The following NLRP1 variants were observed in gnomAD, a reference collection of about 807,000 sequenced individuals.
NLRP1 encodes the protein NACHT, LRR and PYD domains-containing protein 1.
NLRP1 carries 94 observed loss-of-function variants against 136.7 expected under a neutral mutation model. The ratio of observed to expected loss-of-function variants is 0.69; its 90% CI spans 0.58 to 0.82. The LOEUF (loss-of-function observed/expected upper bound fraction) is 0.82, where lower values mean the gene tolerates loss of function less well. NLRP1 is among the 40% of genes least tolerant of loss of function. The pLI is 0.00. For missense variants in NLRP1, 1,575 were observed against 1,802.7 expected (o/e 0.87, Z 2.29); for synonymous variants, 690 against 725.1 (o/e 0.95, Z 0.78).
chr17:5,574,357 A>G (rs1904778747), intron 3 of NLRP1, among the ~76,000 whole-genome samples: 2 of 152,200 alleles, frequency 1.3e-5, no homozygotes. Flanking sequence ...TGACGGGGAG[A>G]ATGGAACCAA....
At chr17:5,545,830 C>T (rs1347920306) in intron 5 of NLRP1, among the ~76,000 whole-genome samples, 7 of 152,246 alleles carry the variant, frequency 4.6e-5, no homozygotes, top group Admixed American at 4.6e-4. Flanking sequence ...TTCTACCCAC[C>T]TGGCTTATCT....
intron 15 of NLRP1, among the ~76,000 whole-genome samples, chr17:5,507,606 C>G (rs973943283): frequency 6.6e-6 from 1 of 151,998 alleles, no homozygotes; most frequent in Non-Finnish European, 1.5e-5. Context: ...GGGTAGATCA[C>G]GAGGTCAGGA....
chr17:5,544,007 A>AT lies in NLRP1; in HGVS notation c.2529-1981dup, dbSNP rs567050345. 4.7e-4 allele frequency among the ~76,000 whole-genome samples: 72 copies of AT among 152,270 alleles called. No homozygotes were observed. In the South Asian group the frequency reaches 0.013, roughly 28 times the overall value. On this transcript the variant is annotated intron_variant, in intron 5 of 16. Transcript: ENST00000572272. ...GGGGGGTTAATGCTCTGTGGTGGCC[A>AT]TCTTGAATTTCTTAATAATTTTGTC... is the stretch of plus-strand genomic sequence containing the variant.
intron 3 of NLRP1, among the ~76,000 whole-genome samples, chr17:5,567,746 G>A (rs974975363): frequency 6.6e-6 from 1 of 151,944 alleles, no homozygotes; most frequent in Admixed American, 6.6e-5. Flanking sequence ...TTGTAGGATG[G>A]GTTTGGTATT....
At chr17:5,568,162 C>A (rs1915521489) in intron 3 of NLRP1, among the ~76,000 whole-genome samples, 1 of 152,126 alleles carries the variant, frequency 6.6e-6, no homozygotes, top group African/African-American at 2.4e-5. Context: ...TCTTTCACTA[C>A]CTCCTCCTTA....
intron 15 of NLRP1, among the ~76,000 whole-genome samples, chr17:5,507,326 A>T (rs967103525): frequency 3.3e-5 from 5 of 152,192 alleles, no homozygotes; most frequent in South Asian, 2.1e-4. Flanking sequence ...TAAATTAATT[A>T]AATTAAATTA....
intron 3 of NLRP1, among the ~76,000 whole-genome samples, chr17:5,569,502 C>G (rs1296493319): frequency 3.9e-5 from 6 of 152,084 alleles, no homozygotes; most frequent in Admixed American, 3.9e-4. Context: ...GACTTCAAAT[C>G]AACATCAATC....
At chr17:5,561,605 G>A (rs1322900648) in intron 3 of NLRP1, among the ~76,000 whole-genome samples, 1 of 98,778 alleles carries the variant, frequency 1.0e-5, no homozygotes, top group Non-Finnish European at 2.2e-5. Flanking sequence ...CACCGCGCCC[G>A]GCTAATTTTT....
At chr17:5,557,154 C>A (rs1414929520) in intron 4 of NLRP1, among the ~76,000 whole-genome samples, 1 of 151,686 alleles carries the variant, frequency 6.6e-6, no homozygotes, top group African/African-American at 2.4e-5. Context: ...CAGGCGTGTG[C>A]CACCATGCCC....
chr17:5,554,710 T>C (rs1382761334), intron 4 of NLRP1, among the ~76,000 whole-genome samples: 2 of 152,120 alleles, frequency 1.3e-5, no homozygotes. Context: ...ACTGTGAAAG[T>C]ACAAGTACTA....
At position 5,559,217 on chromosome 17, in the gene NLRP1, A is replaced by G. The variant is rs749465585; in HGVS notation, c.1479T>C (p.Tyr493=). The G allele has an allele frequency of 1.2e-6, 2 of 1,614,176 alleles. No individual in the cohort carries two copies. The highest frequency in any genetic ancestry group is 1.7e-6 in the Non-Finnish European group (2 of 1,180,036). The change falls in exon 4 of 17, where the codon TAT becomes TAC. Residue 493 remains tyrosine, a synonymous_variant. Transcript: ENST00000572272. ...ESSRKEYFYR[Y]FTDERQAIRA... is the part of the protein sequence containing the mutation. ...TAATTGCTTGCCTTTCATCTGTGAA[A>G]TATCTGTAGAAATATTCCTTCCTGC...
At chr17:5,511,484 T>A (rs1246133246), downstream of NLRP1, among the ~76,000 whole-genome samples, 1 of 150,802 alleles carries the variant, frequency 6.6e-6, no homozygotes, top group Non-Finnish European at 1.5e-5. Context: ...CATGCATGTG[T>A]GTCTCCCCCA....
In NLRP1 at chr17:5,559,224, T is replaced by C; in HGVS notation, c.1472A>G (p.Tyr491Cys). 6.2e-7 allele frequency: 1 copy of C among 1,614,156 alleles called. No homozygotes were observed. The highest frequency in any genetic ancestry group is 8.5e-7 in the Non-Finnish European group (1 of 1,180,014). The stretch of plus-strand genomic sequence containing the variant: ...TTGCCTTTCATCTGTGAAATATCTG[T>C]AGAAATATTCCTTCCTGCTGGACTC... ...FSESSRKEYF[Y>C]RYFTDERQAI... The change falls in exon 4 of 17, where the codon TAC becomes TGC. Residue 491 changes from tyrosine (Y) to cysteine (C), a missense_variant. Coordinates refer to ENST00000572272, the MANE Select transcript of NLRP1 (RefSeq NM_033004.4).
intron 12 of NLRP1, 42 bp downstream of exon 12, chr17:5,530,439 T>A: frequency 6.4e-7 from 1 of 1,566,136 alleles, no homozygotes; most frequent in South Asian, 1.1e-5. Flanking sequence ...TTCAGGCCCA[T>A]AATTACCACC....
Position 5,515,081 on chromosome 17 carries a change from C to T in NLRP1, c.4103-8G>A, listed in dbSNP as rs199619809. 30 of 1,612,262 alleles carry T rather than the reference C, an allele frequency of 1.9e-5. No homozygotes were observed. Among genetic ancestry groups the T allele is most frequent in the East Asian group, 4.5e-5 (2 of 44,868 alleles). ...CCAGAGGTGAAGGTACGGCTGGCAA[C>T]GAACAAAGAAGGGCTCCAACCACAG... On this transcript the variant is annotated splice_polypyrimidine_tract_variant and splice_region_variant and intron_variant, in intron 16 of 16. Coordinates refer to ENST00000572272, the MANE Select transcript of NLRP1 (RefSeq NM_033004.4).
chr17:5,522,773 C>T (rs1909059654), intron 12 of NLRP1, among the ~76,000 whole-genome samples: 1 of 152,122 alleles, frequency 6.6e-6, no homozygotes, highest in Admixed American at 6.5e-5. Context: ...CCTCTAGTTG[C>T]CTGTGCTGGT....
intron 7 of NLRP1, among the ~76,000 whole-genome samples, chr17:5,538,449 T>C (rs11658716): frequency 0.047 from 7,196 of 152,178 alleles, 197 homozygotes; most frequent in Middle Eastern, 0.088. Flanking sequence ...GGGTACCTAT[T>C]CCTCCTTCAG....
At chr17:5,518,083 C>T (rs536450921) in intron 14 of NLRP1, 196 bp from the exon 15 acceptor site, 14 of 567,638 alleles carry the variant, frequency 2.5e-5, no homozygotes, top group East Asian at 1.2e-4. Flanking sequence ...GAGTACCTCA[C>T]GGGTAAGTCA....
At chr17:5,518,572 T>TC (rs1248143514) in intron 14 of NLRP1, 1 of 47,178 alleles carries the variant, frequency 2.1e-5, no homozygotes, top group Non-Finnish European at 6.3e-5. Context: ...TTTTTGTTTC[T>TC]TTTTTTTTTT....
Sources: allele counts gnomAD v4.1 joint callset (sites outside exome capture counted in the v4.1 genomes callset), GRCh38; gene constraint gnomAD v4.1.1; transcripts MANE v1.5; gene names NCBI Gene and HGNC (gene_info 2026-07-23, HGNC 2026-07-21).